VSTM4: variants seen among roughly 807,000 people sequenced by gnomAD.
VSTM4 encodes V-set and transmembrane domain containing 4.
A neutral mutation model predicts 36.4 loss-of-function variants in VSTM4; 20 were observed. That is an observed-to-expected ratio of 0.55 (90% CI 0.39 to 0.80). The LOEUF is 0.80. VSTM4 is among the 30% of genes least tolerant of loss of function. The probability of loss-of-function intolerance (pLI) is 0.00; values close to 1 mark genes in which losing one functional copy is unlikely to be tolerated. For synonymous variants in VSTM4, 182 were observed against 173.9 expected, an observed-to-expected ratio of 1.05 and a Z score of -0.37; for missense variants, 392 against 404.5, an observed-to-expected ratio of 0.97 and a Z score of 0.26.
intron 7 of VSTM4, among the ~76,000 whole-genome samples, chr10:49,032,220 T>C (rs1414939680): frequency 1.3e-5 from 2 of 152,230 alleles, no homozygotes; most frequent in African/African-American, 4.8e-5. Flanking sequence ...ACCCTTATTA[T>C]AGTCCTCATT....
chr10:49,051,444 G>A (rs1843697102), intron 5 of VSTM4, among the ~76,000 whole-genome samples: 1 of 146,730 alleles, frequency 6.8e-6, no homozygotes, highest in Admixed American at 7.0e-5. Context: ...TGCCCAGGCT[G>A]GAGTGCAATG....
At chr10:49,046,221 C>T (rs2264847) in intron 7 of VSTM4, among the ~76,000 whole-genome samples, 91,897 of 152,012 alleles carry the variant, frequency 0.6, 29,385 homozygotes, top group Middle Eastern at 0.74. Flanking sequence ...CTGACTAATA[C>T]ACCCCATTTC....
intron 4 of VSTM4, among the ~76,000 whole-genome samples, chr10:49,071,936 A>G (rs543149383): frequency 6.6e-6 from 1 of 152,334 alleles, no homozygotes; most frequent in East Asian, 1.9e-4. Flanking sequence ...ATCTTCCTCA[A>G]ACCAAGCACT....
intron 2 of VSTM4, among the ~76,000 whole-genome samples, chr10:49,094,911 C>G (rs7080670): frequency 0.12 from 18,369 of 152,088 alleles, 1,732 homozygotes; most frequent in African/African-American, 0.26. Context: ...GCAGTCTCCC[C>G]TGGGGCTCAA....
chr10:49,038,758 T>C (rs1017543802), intron 7 of VSTM4, among the ~76,000 whole-genome samples: 11 of 152,000 alleles, frequency 7.2e-5, no homozygotes, highest in Non-Finnish European at 1.0e-4. Flanking sequence ...GAGTGTCTGG[T>C]CAACAGTCAG....
intron 1 of VSTM4, among the ~76,000 whole-genome samples, chr10:49,108,356 C>G (rs955356680): frequency 6.6e-6 from 1 of 152,210 alleles, no homozygotes; most frequent in Admixed American, 6.5e-5. Flanking sequence ...CCACATCCAA[C>G]CCCCCACCAC....
At chr10:49,036,134 C>A (rs1019406701) in intron 7 of VSTM4, among the ~76,000 whole-genome samples, 1 of 152,272 alleles carries the variant, frequency 6.6e-6, no homozygotes, top group East Asian at 1.9e-4. Flanking sequence ...GCTTACCGAA[C>A]GCCGAGATAC....
intron 4 of VSTM4, among the ~76,000 whole-genome samples, chr10:49,075,124 C>T (rs1173756356): frequency 6.6e-6 from 1 of 152,250 alleles, no homozygotes; most frequent in Non-Finnish European, 1.5e-5. Flanking sequence ...AGGCCCACTC[C>T]AGTGGGGATG....
At chr10:49,058,167 T>C (rs1335479983) in intron 5 of VSTM4, among the ~76,000 whole-genome samples, 1 of 152,196 alleles carries the variant, frequency 6.6e-6, no homozygotes, top group African/African-American at 2.4e-5. Flanking sequence ...TACCATTCAT[T>C]GCTGCATTAT....
chr10:49,046,866 G>T, intron 7 of VSTM4, 117 bp downstream of exon 7: 2 of 1,018,384 alleles, frequency 2.0e-6, no homozygotes, highest in Non-Finnish European at 3.0e-6. Flanking sequence ...GTTTTTGTTT[G>T]GGGACAAAAG....
rs145602957 is a variant in VSTM4 at position 49,040,777 on chromosome 10, C to T, written c.837+6206G>A. ...CCCAGAGCCTATAAATCACCTAATGCGGCAGCTGGCACACAATAGGCGCCC... is the reference window on the plus strand; with the variant it reads ...CCCAGAGCCTATAAATCACCTAATGTGGCAGCTGGCACACAATAGGCGCCC... On this transcript the variant is annotated intron_variant, in intron 7 of 7. Transcript: ENST00000332853. Among the ~76,000 whole-genome samples, 185 of 152,244 alleles carry T rather than the reference C, an allele frequency of 1.2e-3. 1 individual carries two copies. The highest frequency in any genetic ancestry group is 4.0e-3 in the African/African-American group (168 of 41,516).
intron 3 of VSTM4, among the ~76,000 whole-genome samples, chr10:49,081,944 T>G (rs1844286409): frequency 6.6e-6 from 1 of 152,206 alleles, no homozygotes; most frequent in Non-Finnish European, 1.5e-5. Flanking sequence ...TTTTTTCCCT[T>G]CTGTTACAAG....
At chr10:49,068,020 T>C (rs972556998) in intron 4 of VSTM4, among the ~76,000 whole-genome samples, 1 of 152,258 alleles carries the variant, frequency 6.6e-6, no homozygotes, top group East Asian at 1.9e-4. Flanking sequence ...ACCATTGTTA[T>C]GTTTTTTTCA....
intron 5 of VSTM4, among the ~76,000 whole-genome samples, chr10:49,054,574 C>T (rs1348593203): frequency 6.6e-6 from 1 of 152,188 alleles, no homozygotes; most frequent in Admixed American, 6.5e-5. Context: ...GTGGGCTAGC[C>T]AGCTGGGAAT....
chr10:49,032,038 C>G (rs1020710596), intron 7 of VSTM4, among the ~76,000 whole-genome samples: 6 of 152,238 alleles, frequency 3.9e-5, no homozygotes, highest in Admixed American at 3.9e-4. Context: ...CCATTGAATA[C>G]AGCCCCCCAC....
Position 49,025,904 on chromosome 10 carries a change from C to T in VSTM4, c.838-6129G>A, listed in dbSNP as rs1027455245. ...GTTCCATCTGCCATTCTGCAGCTCT[C>T]TCTGAAGCCACTTTTCTTTTGTTGC... On this transcript the variant is annotated intron_variant, in intron 7 of 7. Transcript: ENST00000332853. Among the ~76,000 whole-genome samples, 4 of 152,250 alleles carry T rather than the reference C, an allele frequency of 2.6e-5. No homozygotes were observed. The East Asian group carries it at 7.7e-4, about 29-fold the overall frequency.
At chr10:49,076,536 G>A (rs1436773271) in intron 4 of VSTM4, among the ~76,000 whole-genome samples, 1 of 152,196 alleles carries the variant, frequency 6.6e-6, no homozygotes, top group Non-Finnish European at 1.5e-5. Context: ...AGGATGCAGG[G>A]AGAGGCTCTC....
At chr10:49,089,301 C>A (rs1294761785) in intron 2 of VSTM4, among the ~76,000 whole-genome samples, 1 of 152,158 alleles carries the variant, frequency 6.6e-6, no homozygotes, top group Non-Finnish European at 1.5e-5. Context: ...GTTTTATTCA[C>A]TGCTCTAACC....
intron 3 of VSTM4, among the ~76,000 whole-genome samples, chr10:49,079,281 G>T (rs576579822): frequency 3.3e-5 from 5 of 152,202 alleles, no homozygotes; most frequent in Admixed American, 3.3e-4. Flanking sequence ...ACAGCTCACT[G>T]CAGCCTTGAA....
Sources: allele counts gnomAD v4.1 joint callset (sites outside exome capture counted in the v4.1 genomes callset), GRCh38; gene constraint gnomAD v4.1.1; transcripts MANE v1.5; gene names NCBI Gene and HGNC (gene_info 2026-07-23, HGNC 2026-07-21).